The following STEAP2 variants were observed in gnomAD, a reference collection of about 807,000 sequenced individuals.
STEAP2 encodes metalloreductase STEAP2.
Under a neutral mutation model 46.4 loss-of-function variants are expected in STEAP2, and 30 were observed. That is an observed-to-expected ratio of 0.65 (90% CI 0.48 to 0.88). STEAP2 has a LOEUF of 0.88. Among genes scored for constraint, STEAP2 ranks in the 40% least tolerant of loss-of-function variants. The pLI is 0.00. For synonymous variants in STEAP2, 180 were observed against 200.5 expected (o/e 0.90, Z 0.86); for missense variants, 513 against 579.3 (o/e 0.89, Z 1.18).
Position 90,226,991 on chromosome 7 carries a change from T to C in STEAP2, c.513T>C (p.Asn171=), listed in dbSNP as rs1795515851. The change falls in exon 4 of 6, where the codon AAT becomes AAC. Residue 171 remains asparagine (N), a synonymous_variant. Coordinates refer to ENST00000394621, the MANE Select transcript of STEAP2 (RefSeq NM_001244944.2). ...ASRQVYICSN[N]IQARQQVIEL... is the part of the protein sequence containing the mutation. ...CACAGGTTTATATATGCAGCAACAA[T>C]ATTCAAGCGCGACAACAGGTTATTG... 1.3e-6 allele frequency: 2 copies of C among 1,596,756 alleles called. No homozygotes were observed. The highest frequency in any genetic ancestry group is 1.7e-6 in the Non-Finnish European group (2 of 1,173,784).
intron 4 of STEAP2, 96 bp from the exon 5 acceptor site, chr7:90,229,776 A>G (rs928910038): frequency 3.3e-6 from 5 of 1,518,210 alleles, no homozygotes; most frequent in Middle Eastern, 1.9e-4. Flanking sequence ...ATACGTCCAT[A>G]TATGACCAGG....
At chr7:90,221,667 A>T (rs1795263255) in intron 2 of STEAP2, among the ~76,000 whole-genome samples, 1 of 152,196 alleles carries the variant, frequency 6.6e-6, no homozygotes, top group Admixed American at 6.6e-5. Flanking sequence ...AGACACCCGG[A>T]TACAGGTAAC....
At chr7:90,219,381 G>T (rs1241937215) in intron 2 of STEAP2, among the ~76,000 whole-genome samples, 1 of 151,998 alleles carries the variant, frequency 6.6e-6, no homozygotes, top group Non-Finnish European at 1.5e-5. Context: ...GAAAGGCTTT[G>T]AGCTTTTCCC....
Position 90,234,786 on chromosome 7 carries a change from C to T in STEAP2, c.*2162C>T. The T allele has an allele frequency of 1.3e-6, 1 of 741,082 alleles. No individual in the cohort carries two copies. Among genetic ancestry groups the T allele is most frequent in the Middle Eastern group, 6.8e-4 (1 of 1,460 alleles). 45.9% of individuals were successfully genotyped at this position (741,082 alleles called of 1,614,324 possible). ...GCCAGGATGGTCTCGATCTCCTGAC[C>T]TCGTGATCCGCCCGCCTTGGCCTCC... On this transcript the variant is annotated 3_prime_UTR_variant, in exon 6 of 6. Coordinates refer to ENST00000394621, the MANE Select transcript of STEAP2 (RefSeq NM_001244944.2).
chr7:90,236,416 A>T lies in STEAP2; in HGVS notation c.*3792A>T. On this transcript the variant is annotated 3_prime_UTR_variant, in exon 6 of 6. Coordinates refer to ENST00000394621, the MANE Select transcript of STEAP2 (RefSeq NM_001244944.2). ...ACTTAAAACAAGATACATACATAGTATAACACACCTCACAGTGTTAAGATT... is the reference window on the plus strand; with the variant it reads ...ACTTAAAACAAGATACATACATAGTTTAACACACCTCACAGTGTTAAGATT... The T allele has an allele frequency of 1.0e-6, 1 of 988,506 alleles. No individual in the cohort carries two copies. The highest frequency in any genetic ancestry group is 1.2e-6 in the Non-Finnish European group (1 of 831,986). 61.2% of individuals were successfully genotyped at this position (988,506 alleles called of 1,614,324 possible).
downstream of STEAP2, among the ~76,000 whole-genome samples, chr7:90,242,313 C>T (rs1447126896): frequency 3.3e-5 from 5 of 152,180 alleles, no homozygotes; most frequent in Non-Finnish European, 7.3e-5. Context: ...CCATTGTTCA[C>T]TAGTCAGGAA....
chr7:90,233,771 C>T lies in STEAP2; in HGVS notation c.*1147C>T, dbSNP rs1449522735. 2.0e-6 allele frequency: 2 copies of T among 985,228 alleles called. No homozygotes were observed. Among genetic ancestry groups the T allele is most frequent in the East Asian group, 1.1e-4 (1 of 8,828 alleles). The allele number at this position is 985,228 out of a possible 1,614,324, so 61.0% of individuals were successfully genotyped here. A position where few individuals can be genotyped will look rare whatever the true frequency, so the allele number is the denominator to read the frequency against. ...GTTTTAACCACTAGGCTCTAGAGCT[C>T]CCGCCGCGCCCCTATGCATTATGTT... is the stretch of plus-strand genomic sequence containing the variant. On this transcript the variant is annotated 3_prime_UTR_variant, in exon 6 of 6. Transcript: ENST00000394621.
rs752867895 is a variant in STEAP2 at position 90,227,508 on chromosome 7, G to T, written c.1020+10G>T. 1 of 1,534,738 alleles carries T rather than the reference G, an allele frequency of 6.5e-7. No homozygotes were observed. Among genetic ancestry groups the T allele is most frequent in the Non-Finnish European group, 8.8e-7 (1 of 1,139,290 alleles). On this transcript the variant is annotated intron_variant, in intron 4 of 5. Coordinates refer to ENST00000394621, the MANE Select transcript of STEAP2 (RefSeq NM_001244944.2). ...CATGGCTTATCAGCAGGTACTGAAT[G>T]TGCTTGTTATTTATCTGATGCTAGT... is the stretch of plus-strand genomic sequence containing the variant.
At position 90,233,643 on chromosome 7, in the gene STEAP2, CAT is replaced by C. The variant is rs1179016874; in HGVS notation, c.*1020_*1021del. 5 of 849,788 alleles carry C rather than the reference CAT, an allele frequency of 5.9e-6. No homozygotes were observed. The African/African-American group carries it at 7.4e-5, about 12-fold the overall frequency. The allele number at this position is 849,788 out of a possible 1,614,324, so 52.6% of individuals were successfully genotyped here. On this transcript the variant is annotated 3_prime_UTR_variant, in exon 6 of 6. Transcript: ENST00000394621. ...AAGTAGTTATTATCCTCATTTTACA[CAT>C]GAGGGACCGAAGGATAGAAAAGTTA...
intron 2 of STEAP2, among the ~76,000 whole-genome samples, chr7:90,219,603 A>G (rs909789844): frequency 1.3e-5 from 2 of 152,062 alleles, no homozygotes; most frequent in African/African-American, 4.8e-5. Context: ...GTTGATTTGC[A>G]TATGTTGAAC....
Position 90,234,280 on chromosome 7 carries a change from C to T in STEAP2, c.*1656C>T. On this transcript the variant is annotated 3_prime_UTR_variant, in exon 6 of 6. Coordinates refer to ENST00000394621, the MANE Select transcript of STEAP2 (RefSeq NM_001244944.2). ...CAAACTGTAGAATGCCCTACATTCC[C>T]CCCACCCCAATTTGCTATTTCCTTA... 6.1e-6 allele frequency: 6 copies of T among 985,316 alleles called. No homozygotes were observed. In the South Asian group the frequency reaches 2.8e-4, roughly 46 times the overall value. 61.0% of individuals were successfully genotyped at this position (985,316 alleles called of 1,614,324 possible).
chr7:90,241,171 T>TACACAC (rs66565009), downstream of STEAP2, among the ~76,000 whole-genome samples: 23 of 150,096 alleles, frequency 1.5e-4, no homozygotes, highest in African/African-American at 5.1e-4. Flanking sequence ...CACATAAACA[T>TACACAC]ACACACACAC....
chr7:90,220,054 T>C (rs1795187905), intron 2 of STEAP2, among the ~76,000 whole-genome samples: 2 of 152,120 alleles, frequency 1.3e-5, no homozygotes, highest in Admixed American at 1.3e-4. Flanking sequence ...TTGTTGAGAG[T>C]TTTTGTATCT....
chr7:90,240,901 A>G (rs1317576630), downstream of STEAP2, among the ~76,000 whole-genome samples: 1 of 152,210 alleles, frequency 6.6e-6, no homozygotes, highest in East Asian at 1.9e-4. The surrounding 1 kb of genome is among the most constrained non-coding windows in gnomAD (Gnocchi z 4.1). Context: ...CTCCTTCAGT[A>G]GTCATTTCAC....
At chr7:90,221,056 A>G (rs1795238520) in intron 2 of STEAP2, among the ~76,000 whole-genome samples, 1 of 152,158 alleles carries the variant, frequency 6.6e-6, no homozygotes, top group Admixed American at 6.5e-5. Context: ...GGTCATTCCT[A>G]GAGAATGTCT....
chr7:90,232,960 CCAG>C lies in STEAP2; in HGVS notation c.*340_*342del, dbSNP rs1795822997. The C allele has an allele frequency of 3.1e-6, 3 of 974,334 alleles. No homozygotes were observed. Among genetic ancestry groups the C allele is most frequent in the Non-Finnish European group, 3.7e-6 (3 of 818,510 alleles). The allele number at this position is 974,334 out of a possible 1,614,324, so 60.4% of individuals were successfully genotyped here. A position where few individuals can be genotyped will look rare whatever the true frequency, so the allele number is the denominator to read the frequency against. ...TATAATGTTAAAAACAATTTGCAAA[CCAG>C]CAGAATTTTAAGCTTTTAAAATAAT... is the stretch of plus-strand genomic sequence containing the variant. On this transcript the variant is annotated 3_prime_UTR_variant, in exon 6 of 6. Transcript: ENST00000394621.
intron 2 of STEAP2, among the ~76,000 whole-genome samples, chr7:90,223,834 A>C (rs1249069952): frequency 1.3e-5 from 2 of 152,180 alleles, no homozygotes; most frequent in South Asian, 2.1e-4. Context: ...ATTTTTCTTA[A>C]GATATTATTT....
chr7:90,221,003 G>A (rs929494278), intron 2 of STEAP2, among the ~76,000 whole-genome samples: 2 of 151,984 alleles, frequency 1.3e-5, no homozygotes, highest in Non-Finnish European at 2.9e-5. Flanking sequence ...ATATGACTTC[G>A]ATTTTTAAAA....
At chr7:90,242,392 A>T (rs943265594), downstream of STEAP2, among the ~76,000 whole-genome samples, 2 of 152,242 alleles carry the variant, frequency 1.3e-5, no homozygotes, top group Non-Finnish European at 2.9e-5. Context: ...GACCCTTATC[A>T]GCTTCAGCCT....
Sources: allele counts gnomAD v4.1 joint callset (sites outside exome capture counted in the v4.1 genomes callset), GRCh38; gene constraint gnomAD v4.1.1; non-coding constraint Gnocchi (gnomAD v3.1); transcripts MANE v1.5; gene names NCBI Gene and HGNC (gene_info 2026-07-23, HGNC 2026-07-21).